Variants in CLRN2 observed in about 807,000 individuals in gnomAD.
CLRN2 encodes clarin-2.
A neutral mutation model predicts 20.1 loss-of-function variants in CLRN2; 17 were observed. The ratio of observed to expected loss-of-function variants is 0.85; its 90% CI spans 0.58 to 1.27. The LOEUF is 1.27. Ranked by LOEUF, CLRN2 falls within the 50% of genes most tolerant of loss-of-function variation. The pLI is 0.00. For synonymous variants in CLRN2, 140 were observed against 126.9 expected, an observed-to-expected ratio of 1.10 and a Z score of -0.70; for missense variants, 288 against 299.5, an observed-to-expected ratio of 0.96 and a Z score of 0.28.
chr4:17,526,951 T>G lies in CLRN2; in HGVS notation c.568T>G (p.Trp190Gly). The G allele has an allele frequency of 6.2e-7, 1 of 1,614,062 alleles. No individual in the cohort carries two copies. The highest frequency in any genetic ancestry group is 1.3e-5 in the African/African-American group (1 of 75,054). Reference sequence around the variant, plus strand: ...GGAAGAACAGTATGAAGAGTCGTTTTGGATCTGCGTGGCCAGCGCTTCGGC... The same window carrying G: ...GGAAGAACAGTATGAAGAGTCGTTTGGGATCTGCGTGGCCAGCGCTTCGGC... ...VVEEQYEESF[W>G]ICVASASAHA... Residue 190 changes from tryptophan to glycine, a missense_variant, in exon 3 of 3, where the codon TGG becomes GGG. Physicochemically the swap from Trp to Gly is radical, Grantham distance 184. Coordinates refer to ENST00000511148, the MANE Select transcript of CLRN2 (RefSeq NM_001079827.2).
At chr4:17,520,149 T>G (rs558809473) in intron 1 of CLRN2, among the ~76,000 whole-genome samples, 36 of 152,340 alleles carry the variant, frequency 2.4e-4, no homozygotes, top group African/African-American at 8.4e-4. Flanking sequence ...TAATTATAGT[T>G]AATGCACTTC....
At chr4:17,526,541 T>C (rs994088203) in intron 2 of CLRN2, among the ~76,000 whole-genome samples, 21 of 152,120 alleles carry the variant, frequency 1.4e-4, no homozygotes, top group African/African-American at 1.2e-4. Flanking sequence ...GCCTGGGCAA[T>C]AGAGCAAGAC....
At chr4:17,522,461 T>C (rs1223192719) in intron 1 of CLRN2, among the ~76,000 whole-genome samples, 1 of 152,232 alleles carries the variant, frequency 6.6e-6, no homozygotes, top group Non-Finnish European at 1.5e-5. Flanking sequence ...GCCATACTCA[T>C]AAGGCAAATT....
intron 2 of CLRN2, 71 bp from the exon 3 acceptor site, chr4:17,526,746 G>A: frequency 6.3e-7 from 1 of 1,576,356 alleles, no homozygotes; most frequent in Admixed American, 1.7e-5. Flanking sequence ...GTCACACGTG[G>A]CACAGAAATG....
At chr4:17,519,614 T>A (rs1306717956) in intron 1 of CLRN2, among the ~76,000 whole-genome samples, 2 of 90,322 alleles carry the variant, frequency 2.2e-5, no homozygotes, top group Non-Finnish European at 2.2e-5. Flanking sequence ...TCACCATGAA[T>A]CGTGTTGTCA....
intron 1 of CLRN2, among the ~76,000 whole-genome samples, chr4:17,520,424 TATCCAATATTTG>T (rs1711812282): frequency 6.6e-6 from 1 of 152,252 alleles, no homozygotes. Context: ...TTGTAATGAA[TATCCAATATTTG>T]ATCCACGCTT....
At chr4:17,520,254 T>C (rs1711804432) in intron 1 of CLRN2, among the ~76,000 whole-genome samples, 2 of 152,188 alleles carry the variant, frequency 1.3e-5, no homozygotes, top group Admixed American at 1.3e-4. Flanking sequence ...CCTAATATGA[T>C]TATTTCTCAA....
intron 1 of CLRN2, among the ~76,000 whole-genome samples, chr4:17,521,503 T>C (rs1711837025): frequency 6.6e-6 from 1 of 152,218 alleles, no homozygotes; most frequent in Admixed American, 6.5e-5. Flanking sequence ...TAATGTTCAA[T>C]TCTTCATGTA....
At chr4:17,526,701 T>A in intron 2 of CLRN2, 116 bp from the exon 3 acceptor site, 1 of 1,186,046 alleles carries the variant, frequency 8.4e-7, no homozygotes, top group South Asian at 1.5e-5. Context: ...AAAACTTATG[T>A]CTTCCTCATA....
rs1435842365 is a variant in CLRN2 at position 17,526,784 on chromosome 4, G to A, written c.434-33G>A. 3 of 1,609,256 alleles carry A rather than the reference G, an allele frequency of 1.9e-6. No homozygotes were observed. The African/African-American group carries it at 4.0e-5, about 22-fold the overall frequency. Reference sequence around the variant, plus strand: ...ACCTCTTACAGAGTTGCAAAAAGGAGCCGTGAATGAGGGTGACCTTTTTGA... The same window carrying A: ...ACCTCTTACAGAGTTGCAAAAAGGAACCGTGAATGAGGGTGACCTTTTTGA... On this transcript the variant is annotated intron_variant, in intron 2 of 2. Coordinates refer to ENST00000511148, the MANE Select transcript of CLRN2 (RefSeq NM_001079827.2).
At chr4:17,520,377 T>C (rs2518605) in intron 1 of CLRN2, among the ~76,000 whole-genome samples, 9,595 of 152,298 alleles carry the variant, frequency 0.063, 463 homozygotes, top group African/African-American at 0.13. Flanking sequence ...ATTAAATCAG[T>C]CTATTCACAT....
chr4:17,523,368 C>T (rs1711882619), intron 2 of CLRN2, among the ~76,000 whole-genome samples: 1 of 152,020 alleles, frequency 6.6e-6, no homozygotes, highest in South Asian at 2.1e-4. Context: ...GCGTGCACCA[C>T]CATGCCCAGC....
intron 1 of CLRN2, among the ~76,000 whole-genome samples, chr4:17,515,764 T>A (rs904911668): frequency 1.1e-4 from 16 of 152,224 alleles, no homozygotes; most frequent in African/African-American, 3.9e-4. Flanking sequence ...TTTTTGCAGT[T>A]TACCTCTATT....
At chr4:17,517,049 G>GC (rs1711696980) in intron 1 of CLRN2, among the ~76,000 whole-genome samples, 2 of 152,242 alleles carry the variant, frequency 1.3e-5, no homozygotes, top group South Asian at 4.1e-4. Flanking sequence ...TGATTTTAGG[G>GC]GACTAGTAAA....
Position 17,515,259 on chromosome 4 carries a change from C to G in CLRN2, c.-8C>G, listed in dbSNP as rs771569974. Reference sequence around the variant, plus strand: ...CGGAGACCTTGGGGATGACCTGCACCCACTAGCATGCCTGGATGGTTCAAA... The same window carrying G: ...CGGAGACCTTGGGGATGACCTGCACGCACTAGCATGCCTGGATGGTTCAAA... On this transcript the variant is annotated 5_prime_UTR_variant, in exon 1 of 3. Coordinates refer to ENST00000511148, the MANE Select transcript of CLRN2 (RefSeq NM_001079827.2). The G allele has an allele frequency of 3.9e-5, 63 of 1,612,922 alleles. No individual in the cohort carries two copies. The highest frequency in any genetic ancestry group is 4.9e-5 in the Non-Finnish European group (58 of 1,179,610).
intron 1 of CLRN2, among the ~76,000 whole-genome samples, 185 bp from the exon 2 acceptor site, chr4:17,522,679 A>G (rs1025011795): frequency 1.3e-5 from 2 of 152,204 alleles, no homozygotes; most frequent in African/African-American, 4.8e-5. Flanking sequence ...TTGTTGGTCA[A>G]CTGACAAGCA....
chr4:17,520,152 T>C (rs1711800834), intron 1 of CLRN2, among the ~76,000 whole-genome samples: 1 of 152,214 alleles, frequency 6.6e-6, no homozygotes, highest in Non-Finnish European at 1.5e-5. Flanking sequence ...TTATAGTTAA[T>C]GCACTTCCTA....
intron 1 of CLRN2, among the ~76,000 whole-genome samples, chr4:17,515,951 CAGCCAGGAAACAGT>C (rs1003369551): frequency 6.6e-5 from 10 of 152,202 alleles, no homozygotes; most frequent in Non-Finnish European, 2.9e-5. Flanking sequence ...TGAGGTCACC[CAGCCAGGAAACAGT>C]AGAGCCGGAC....
intron 2 of CLRN2, among the ~76,000 whole-genome samples, chr4:17,526,383 A>C (rs1711975532): frequency 6.6e-6 from 1 of 152,078 alleles, no homozygotes; most frequent in Admixed American, 6.6e-5. Context: ...AACATGATGA[A>C]ACCCCATCTC....
Sources: gnomAD v4.1 joint callset for allele counts (sites outside exome capture counted in the v4.1 genomes callset) on GRCh38, gnomAD v4.1.1 for gene constraint, MANE v1.5 for transcripts, NCBI Gene and HGNC (gene_info 2026-07-23, HGNC 2026-07-21) for gene names.